CALCRL: variants seen among roughly 807,000 people sequenced by gnomAD.
CALCRL encodes calcitonin gene-related peptide type 1 receptor.
In CALCRL, 27 loss-of-function variants were observed where a neutral mutation model predicts 60.4. The observed-to-expected ratio is 0.45, with a 90% confidence interval of 0.33 to 0.62. The LOEUF (loss-of-function observed/expected upper bound fraction) is 0.62. CALCRL is among the 20% of genes least tolerant of loss of function. The pLI is 0.03. For synonymous variants in CALCRL, 190 were observed against 182.6 expected (o/e 1.04, Z -0.33); for missense variants, 424 against 540.7 (o/e 0.78, Z 2.14).
chr2:187,380,442 A>C (rs1297047031), intron 7 of CALCRL, 25 bp downstream of exon 7: 2 of 1,365,960 alleles, frequency 1.5e-6, no homozygotes, highest in Middle Eastern at 1.8e-4. Context: ...TGTAAGTTAA[A>C]TTTCAATTCA....
intron 1 of CALCRL, among the ~76,000 whole-genome samples, chr2:187,414,523 G>T (rs1355471499): frequency 1.3e-5 from 2 of 152,122 alleles, no homozygotes; most frequent in African/African-American, 4.8e-5. Context: ...GCCAAGCCTG[G>T]AAGAGATTGA....
rs1442011881 is a variant in CALCRL at position 187,350,876 on chromosome 2, T to C, written c.1170+1044A>G. Reference sequence around the variant, plus strand: ...AGCTGCTGTCTGGATTTCTAAACTTTGTTCAATTTTGCCAAAATCCTCCTA... The same window carrying C: ...AGCTGCTGTCTGGATTTCTAAACTTCGTTCAATTTTGCCAAAATCCTCCTA... On this transcript the variant is annotated intron_variant, in intron 14 of 14. Coordinates refer to ENST00000392370, the MANE Select transcript of CALCRL (RefSeq NM_005795.6). Among the ~76,000 whole-genome samples, 4 of 151,880 alleles carry C rather than the reference T, an allele frequency of 2.6e-5. No homozygotes were observed. In the South Asian group the frequency reaches 8.3e-4, roughly 31 times the overall value.
chr2:187,442,203 C>T (rs970213987), intron 1 of CALCRL: 23 of 145,196 alleles, frequency 1.6e-4, no homozygotes, highest in Non-Finnish European at 2.6e-4. Context: ...TATACATATA[C>T]GTATATATAT....
intron 8 of CALCRL, among the ~76,000 whole-genome samples, chr2:187,370,203 T>C (rs1175182867): frequency 6.6e-6 from 1 of 151,910 alleles, no homozygotes; most frequent in Non-Finnish European, 1.5e-5. Flanking sequence ...AGTCATTCTG[T>C]TTTTTCTTTT....
intron 8 of CALCRL, among the ~76,000 whole-genome samples, chr2:187,371,343 A>C (rs1035329001): frequency 2.0e-5 from 3 of 152,116 alleles, no homozygotes; most frequent in African/African-American, 7.2e-5. Context: ...CAAATTTACA[A>C]TGAATAAATG....
intron 4 of CALCRL, among the ~76,000 whole-genome samples, chr2:187,385,119 T>C (rs1358607761): frequency 6.6e-6 from 1 of 152,200 alleles, no homozygotes; most frequent in Non-Finnish European, 1.5e-5. Context: ...AAGTGTATGG[T>C]TCTAAATTGC....
intron 1 of CALCRL, among the ~76,000 whole-genome samples, chr2:187,413,238 C>T (rs1417126924): frequency 2.0e-5 from 3 of 151,764 alleles, no homozygotes; most frequent in African/African-American, 4.8e-5. Context: ...GTAACATGAG[C>T]GAAGACAAAA....
intron 1 of CALCRL, among the ~76,000 whole-genome samples, chr2:187,445,805 G>A (rs973137946): frequency 2.0e-5 from 3 of 151,400 alleles, no homozygotes; most frequent in Non-Finnish European, 4.4e-5. Flanking sequence ...GCTAAGTATT[G>A]TCTTCATTTA....
intron 8 of CALCRL, among the ~76,000 whole-genome samples, chr2:187,371,662 G>C (rs907223372): frequency 2.6e-5 from 4 of 151,376 alleles, no homozygotes; most frequent in African/African-American, 9.7e-5. Flanking sequence ...CTTGAACCCG[G>C]GAAGCAGAGG....
chr2:187,431,271 A>G (rs1279742896), intron 1 of CALCRL: 1 of 154,822 alleles, frequency 6.5e-6, no homozygotes, highest in Non-Finnish European at 1.5e-5. Flanking sequence ...TAGGTCATGA[A>G]TGTTGTTTTG....
intron 1 of CALCRL, among the ~76,000 whole-genome samples, chr2:187,391,842 A>C (rs945235138): frequency 6.6e-6 from 1 of 152,106 alleles, no homozygotes; most frequent in South Asian, 2.1e-4. Flanking sequence ...ATACCTTTTG[A>C]AATATTACTG....
rs1185099281 is a variant in CALCRL, at chr2:187,387,658, A to G, written c.-202+8T>C. ...TACCATGAGAAAATTTAATTTCCCA[A>G]TACTTACATGCACAATTGTCTCCAG... On this transcript the variant is annotated splice_region_variant and intron_variant, in intron 2 of 14. Transcript: ENST00000392370. 5 of 396,728 alleles carry G rather than the reference A, an allele frequency of 1.3e-5. No individual in the cohort carries two copies. The highest frequency in any genetic ancestry group is 2.6e-4 in the South Asian group (2 of 7,838). The allele number at this position is 396,728 out of a possible 1,614,324, so 24.6% of individuals were successfully genotyped here.
intron 1 of CALCRL, among the ~76,000 whole-genome samples, chr2:187,435,134 G>T (rs1412847940): frequency 1.3e-5 from 2 of 152,098 alleles, no homozygotes; most frequent in Non-Finnish European, 2.9e-5. Flanking sequence ...AATACCTGAG[G>T]CTGGGTAATT....
chr2:187,384,426 A>G (rs1688123178), intron 4 of CALCRL, among the ~76,000 whole-genome samples: 1 of 152,234 alleles, frequency 6.6e-6, no homozygotes, highest in Admixed American at 6.5e-5. Context: ...ACACGATCTT[A>G]CATGAGTTCA....
chr2:187,439,628 C>T lies in CALCRL; in HGVS notation c.-293+8411G>A, dbSNP rs972982177. On this transcript the variant is annotated intron_variant, in intron 1 of 14. Coordinates refer to ENST00000392370, the MANE Select transcript of CALCRL (RefSeq NM_005795.6). ...GAAAAGAGGTCTGTGGTAGTATAGA[C>T]GTAGGTTGATTTTAAATAATCATCG... Among the ~76,000 whole-genome samples the T allele has an allele frequency of 5.3e-5, 8 of 152,008 alleles. No individual in the cohort carries two copies. In the South Asian group the frequency reaches 6.2e-4, roughly 12 times the overall value.
chr2:187,381,947 T>C (rs1688002748), intron 5 of CALCRL, among the ~76,000 whole-genome samples: 1 of 152,192 alleles, frequency 6.6e-6, no homozygotes. Flanking sequence ...TTTCCCCAGA[T>C]AATGTTTTCT....
At chr2:187,408,007 C>T (rs1029888310) in intron 1 of CALCRL, among the ~76,000 whole-genome samples, 1 of 151,956 alleles carries the variant, frequency 6.6e-6, no homozygotes, top group Non-Finnish European at 1.5e-5. Flanking sequence ...CACCATTTAT[C>T]TTTTGGTGGC....
intron 1 of CALCRL, among the ~76,000 whole-genome samples, chr2:187,421,773 A>G (rs1229961965): frequency 1.3e-5 from 2 of 152,220 alleles, no homozygotes; most frequent in African/African-American, 2.4e-5. Flanking sequence ...TCAGCTGTCT[A>G]GAAGCTCCAA....
intron 1 of CALCRL, among the ~76,000 whole-genome samples, chr2:187,407,263 G>A (rs1052024482): frequency 6.6e-5 from 10 of 152,150 alleles, no homozygotes; most frequent in African/African-American, 1.9e-4. Flanking sequence ...TTACAAATAT[G>A]CATCCATAGT....
Sources: gnomAD v4.1 joint callset for allele counts (sites outside exome capture counted in the v4.1 genomes callset) on GRCh38, gnomAD v4.1.1 for gene constraint, MANE v1.5 for transcripts, NCBI Gene and HGNC (gene_info 2026-07-23, HGNC 2026-07-21) for gene names.